HTR7: variants seen among roughly 807,000 people sequenced by gnomAD.
HTR7 encodes the protein 5-hydroxytryptamine receptor 7.
HTR7 carries 16 observed loss-of-function variants against 34.0 expected under a neutral mutation model. The observed-to-expected ratio is 0.47, with a 90% CI of 0.32 to 0.71. HTR7 has a LOEUF of 0.71. Among genes scored for constraint, HTR7 ranks in the 30% least tolerant of loss-of-function variants. The pLI is 0.04. For synonymous variants in HTR7, 265 were observed against 260.2 expected, an observed-to-expected ratio of 1.02 and a Z score of -0.18; for missense variants, 504 against 625.5, an observed-to-expected ratio of 0.81 and a Z score of 2.07.
At chr10:90,846,032 G>T (rs753919966) in intron 1 of HTR7, among the ~76,000 whole-genome samples, 11 of 152,186 alleles carry the variant, frequency 7.2e-5, no homozygotes, top group Non-Finnish European at 1.5e-4. Flanking sequence ...TCTGTGGGAA[G>T]GATGGGTGAC....
At chr10:90,761,557 C>T (rs1247093285) in intron 1 of HTR7, among the ~76,000 whole-genome samples, 1 of 151,388 alleles carries the variant, frequency 6.6e-6, no homozygotes, top group Admixed American at 6.6e-5. Context: ...GTGTGGCCAT[C>T]TATGGGCCAC....
intron 1 of HTR7, among the ~76,000 whole-genome samples, chr10:90,835,219 C>T (rs1232233080): frequency 6.6e-6 from 1 of 152,140 alleles, no homozygotes; most frequent in Non-Finnish European, 1.5e-5. Context: ...GAAAGTAACC[C>T]AATAAGCTAA....
At chr10:90,747,003 A>G (rs1430304378) in intron 2 of HTR7, among the ~76,000 whole-genome samples, 2 of 152,222 alleles carry the variant, frequency 1.3e-5, no homozygotes, top group Non-Finnish European at 1.5e-5. Flanking sequence ...TTCACTGCCT[A>G]TATACTGAAG....
At chr10:90,793,035 CA>C (rs1158492719) in intron 1 of HTR7, among the ~76,000 whole-genome samples, 1 of 151,892 alleles carries the variant, frequency 6.6e-6, no homozygotes, top group Non-Finnish European at 1.5e-5. Context: ...GCAGCAAAAG[CA>C]AAAAATTAAC....
intron 1 of HTR7, among the ~76,000 whole-genome samples, chr10:90,835,309 C>T (rs2901127): frequency 0.11 from 16,186 of 152,116 alleles, 1,062 homozygotes; most frequent in African/African-American, 0.18. Context: ...TACAGGAAGA[C>T]CTTAATGACA....
intron 1 of HTR7, among the ~76,000 whole-genome samples, chr10:90,828,925 A>T (rs550445567): frequency 1.3e-5 from 2 of 151,918 alleles, no homozygotes; most frequent in African/African-American, 2.4e-5. Context: ...TTGAAAATTT[A>T]AAAAAAAGAA....
chr10:90,857,061 A>G lies in HTR7; in HGVS notation c.539+72T>C, dbSNP rs1255313570. 7.3e-7 allele frequency: 1 copy of G among 1,373,710 alleles called. No homozygotes were observed. The highest frequency in any genetic ancestry group is 9.8e-7 in the Non-Finnish European group (1 of 1,022,948). The allele number at this position is 1,373,710 out of a possible 1,614,324, so 85.1% of individuals were successfully genotyped here. A position where few individuals can be genotyped will look rare whatever the true frequency, so the allele number is the denominator to read the frequency against. On this transcript the variant is annotated intron_variant, in intron 1 of 3. Transcript: ENST00000336152. This position sits in a 1 kb window ranked among gnomAD's most constrained non-coding sequence, Gnocchi z 6.5. ...AAGTCTAGCTTGATCCTCCCAGGAAAGGCGAGCGCGCGGGGCTGAGCTGCC... is the reference window on the plus strand; with the variant it reads ...AAGTCTAGCTTGATCCTCCCAGGAAGGGCGAGCGCGCGGGGCTGAGCTGCC...
intron 1 of HTR7, among the ~76,000 whole-genome samples, chr10:90,750,082 C>G (rs1844711234): frequency 6.6e-6 from 1 of 152,166 alleles, no homozygotes; most frequent in Admixed American, 6.5e-5. Flanking sequence ...CTTTGCATTA[C>G]AGCAAAAGCA....
intron 1 of HTR7, among the ~76,000 whole-genome samples, chr10:90,805,429 CCT>C (rs1845689867): frequency 6.6e-6 from 1 of 152,160 alleles, no homozygotes. Flanking sequence ...TGTAAATGCA[CCT>C]CTGTCTCTGC....
At chr10:90,801,380 T>C (rs915585998) in intron 1 of HTR7, among the ~76,000 whole-genome samples, 4 of 152,196 alleles carry the variant, frequency 2.6e-5, no homozygotes, top group Non-Finnish European at 5.9e-5. Flanking sequence ...ACTCCATAGT[T>C]GCAGAAAGTC....
At chr10:90,753,101 C>T (rs1362013165) in intron 1 of HTR7, among the ~76,000 whole-genome samples, 1 of 152,140 alleles carries the variant, frequency 6.6e-6, no homozygotes, top group Non-Finnish European at 1.5e-5. Context: ...ATGGCAATAT[C>T]ACAATATTCA....
intron 1 of HTR7, among the ~76,000 whole-genome samples, chr10:90,805,281 G>T (rs531893110): frequency 2.0e-5 from 3 of 152,154 alleles, no homozygotes; most frequent in Non-Finnish European, 2.9e-5. Flanking sequence ...TATTGTCCCT[G>T]TTCCTTAAAG....
intron 1 of HTR7, among the ~76,000 whole-genome samples, chr10:90,823,913 T>C (rs921794868): frequency 2.0e-5 from 3 of 152,226 alleles, no homozygotes; most frequent in African/African-American, 7.2e-5. Context: ...TCTTCTGCCA[T>C]GATTTTAAGT....
intron 1 of HTR7, among the ~76,000 whole-genome samples, chr10:90,790,727 A>G (rs1845449115): frequency 6.6e-6 from 1 of 152,190 alleles, no homozygotes; most frequent in Non-Finnish European, 1.5e-5. Flanking sequence ...AGTTACACTA[A>G]AGAGCAAGCT....
intron 1 of HTR7, among the ~76,000 whole-genome samples, chr10:90,756,676 G>C (rs922097809): frequency 6.6e-6 from 1 of 152,104 alleles, no homozygotes; most frequent in African/African-American, 2.4e-5. Flanking sequence ...AAACAAAAAA[G>C]AGAGTTTCCC....
chr10:90,841,072 C>T (rs2027505), intron 1 of HTR7, among the ~76,000 whole-genome samples: 9,529 of 152,238 alleles, frequency 0.063, 373 homozygotes, highest in African/African-American at 0.1. Context: ...AGAAAAAGAG[C>T]CATGGCTTCA....
chr10:90,756,874 C>G (rs982287148), intron 1 of HTR7, among the ~76,000 whole-genome samples: 1 of 151,922 alleles, frequency 6.6e-6, no homozygotes, highest in Admixed American at 6.5e-5. Flanking sequence ...AAGAAAAATA[C>G]ATGTCTATTA....
chr10:90,802,981 T>A (rs1315889831), intron 1 of HTR7, among the ~76,000 whole-genome samples: 1 of 149,208 alleles, frequency 6.7e-6, no homozygotes, highest in Non-Finnish European at 1.5e-5. Context: ...AAATGAGTTG[T>A]ACCCCATTTG....
At chr10:90,846,478 C>A (rs1846414500) in intron 1 of HTR7, among the ~76,000 whole-genome samples, 1 of 152,208 alleles carries the variant, frequency 6.6e-6, no homozygotes, top group African/African-American at 2.4e-5. Flanking sequence ...AGTCAAGGTT[C>A]CAGCAATTCT....
Sources: allele counts gnomAD v4.1 joint callset (sites outside exome capture counted in the v4.1 genomes callset), GRCh38; gene constraint gnomAD v4.1.1; non-coding constraint Gnocchi (gnomAD v3.1); transcripts MANE v1.5; gene names NCBI Gene and HGNC (gene_info 2026-07-23, HGNC 2026-07-21).